BBS2: variants seen among roughly 807,000 people sequenced by gnomAD.
BBS2 encodes the protein Bardet-Biedl syndrome 2.
BBS2 carries 62 observed loss-of-function variants against 83.0 expected under a neutral mutation model. The observed-to-expected ratio is 0.75, with a 90% CI of 0.61 to 0.92. The LOEUF is 0.92. Ranked by LOEUF, BBS2 falls within the 40% of genes least tolerant of loss-of-function variation. The pLI is 0.00. For synonymous variants in BBS2, 303 were observed against 326.1 expected (o/e 0.93, Z 0.76); for missense variants, 784 against 901.0 (o/e 0.87, Z 1.66).
At chr16:56,494,078 C>T (rs1353632267) in intron 15 of BBS2, among the ~76,000 whole-genome samples, 4 of 151,954 alleles carry the variant, frequency 2.6e-5, no homozygotes, top group Non-Finnish European at 5.9e-5. Flanking sequence ...CTTACCTCTG[C>T]CTCCTGAGTA....
At chr16:56,475,764 T>G (rs572801833) in intron 17 of BBS2, among the ~76,000 whole-genome samples, 1 of 152,310 alleles carries the variant, frequency 6.6e-6, no homozygotes, top group East Asian at 1.9e-4. Context: ...TATTTTACCC[T>G]CCTGAGAAAT....
chr16:56,518,366 G>A (rs1322828031), intron 1 of BBS2, among the ~76,000 whole-genome samples: 1 of 152,194 alleles, frequency 6.6e-6, no homozygotes, highest in African/African-American at 2.4e-5. Flanking sequence ...CTTTCTAGTT[G>A]AGTGGCTCCA....
chr16:56,493,407 A>C (rs1964019913), intron 15 of BBS2, among the ~76,000 whole-genome samples: 2 of 151,060 alleles, frequency 1.3e-5, no homozygotes. Flanking sequence ...AAAAAAAAAA[A>C]AACCAAGGTG....
At chr16:56,490,198 T>TA (rs1160791650) in intron 15 of BBS2, among the ~76,000 whole-genome samples, 1 of 151,746 alleles carries the variant, frequency 6.6e-6, no homozygotes, top group African/African-American at 2.4e-5. Flanking sequence ...AGGAAAATGA[T>TA]AAAACTGAGT....
intron 12 of BBS2, 120 bp from the exon 13 acceptor site, chr16:56,498,688 G>A: frequency 6.5e-7 from 1 of 1,538,334 alleles, no homozygotes; most frequent in East Asian, 2.5e-5. Context: ...CTTCTTTCTA[G>A]TTTTACTGCT....
intron 1 of BBS2, 120 bp from the exon 2 acceptor site, chr16:56,514,800 C>T (rs1292686996): frequency 1.3e-6 from 1 of 740,812 alleles, no homozygotes; most frequent in Non-Finnish European, 2.3e-6. Context: ...CTTTAATCTC[C>T]TATGAAACTT....
At chr16:56,506,332 A>C in intron 5 of BBS2, 108 bp from the exon 6 acceptor site, 1 of 842,478 alleles carries the variant, frequency 1.2e-6, no homozygotes. Context: ...TGTTAAAATT[A>C]GATTTAAAAG....
chr16:56,484,170 C>A (rs1963709972), downstream of BBS2, among the ~76,000 whole-genome samples: 1 of 151,958 alleles, frequency 6.6e-6, no homozygotes. Context: ...CCATGCCCAG[C>A]TAATTTTTTG....
chr16:56,497,165 C>G (rs763824183), intron 14 of BBS2, 86 bp from the exon 15 acceptor site: 2 of 880,390 alleles, frequency 2.3e-6, no homozygotes, highest in Non-Finnish European at 3.9e-6. Flanking sequence ...TTACCAGATA[C>G]AGAGACCCCC....
Position 56,500,848 on chromosome 16 carries a change from G to C in BBS2, c.1397+6C>G, listed in dbSNP as rs1370822508. 6.2e-7 allele frequency: 1 copy of C among 1,613,842 alleles called. No individual in the cohort carries two copies. On this transcript the variant is annotated splice_donor_region_variant and intron_variant, in intron 11 of 16. Coordinates refer to ENST00000245157, the MANE Select transcript of BBS2 (RefSeq NM_031885.5). ...CTGAAATGAACTGTGACTTGCAAAG[G>C]GTCACCTGCTTCTGTAACCCACGAA...
intron 11 of BBS2, chr16:56,500,159 A>G: frequency 4.6e-6 from 2 of 439,052 alleles, no homozygotes; most frequent in Non-Finnish European, 8.4e-6. Context: ...GGGGATGTAA[A>G]AAGTATCTTA....
exon 18 of BBS2, chr16:56,470,523 G>A: frequency 3.7e-6 from 6 of 1,613,620 alleles, no homozygotes; most frequent in Non-Finnish European, 5.1e-6. Flanking sequence ...AGCTTCCTGA[G>A]ATATTGAAGG....
chr16:56,484,155 T>C (rs919598702), downstream of BBS2, among the ~76,000 whole-genome samples: 1 of 151,698 alleles, frequency 6.6e-6, no homozygotes, highest in Admixed American at 6.6e-5. Context: ...TACAGATGAG[T>C]GCCACCATGC....
chr16:56,486,123 A>G (rs1357769862), intron 15 of BBS2, among the ~76,000 whole-genome samples: 1 of 152,234 alleles, frequency 6.6e-6, no homozygotes, highest in Non-Finnish European at 1.5e-5. Flanking sequence ...CAAAGGTTTA[A>G]AACAAAGTCA....
chr16:56,480,352 C>CACACACAAAAAA (rs1289081468), downstream of BBS2, among the ~76,000 whole-genome samples: 1 of 76,592 alleles, frequency 1.3e-5, no homozygotes, highest in Admixed American at 1.4e-4. Context: ...CACACACACA[C>CACACACAAAAAA]AAAAAAAAAA....
chr16:56,478,131 C>T (rs1963557586), intron 17 of BBS2: 1 of 152,068 alleles, frequency 6.6e-6, no homozygotes, highest in Non-Finnish European at 1.5e-5. Flanking sequence ...GGTAACGAAC[C>T]ATTTTACACC....
At chr16:56,476,434 A>C (rs1173370663) in intron 17 of BBS2, 1 of 340,488 alleles carries the variant, frequency 2.9e-6, no homozygotes, top group East Asian at 4.7e-5. Context: ...TTTTTTTTTT[A>C]ACATTTAGTC....
chr16:56,492,153 C>T (rs1963973249), intron 15 of BBS2, among the ~76,000 whole-genome samples: 1 of 151,984 alleles, frequency 6.6e-6, no homozygotes, highest in Admixed American at 6.6e-5. Flanking sequence ...AGCAATCTCA[C>T]TTCCGGGTAT....
At chr16:56,508,355 A>G (rs1482937797) in intron 5 of BBS2, among the ~76,000 whole-genome samples, 1 of 152,172 alleles carries the variant, frequency 6.6e-6, no homozygotes, top group Non-Finnish European at 1.5e-5. Context: ...ACTCCTAAAT[A>G]CCACATAACT....
Sources: gnomAD v4.1 joint callset for allele counts (sites outside exome capture counted in the v4.1 genomes callset) on GRCh38, gnomAD v4.1.1 for gene constraint, MANE v1.5 for transcripts, NCBI Gene and HGNC (gene_info 2026-07-23, HGNC 2026-07-21) for gene names.